Variants in MAGI1 observed in about 807,000 individuals in gnomAD.
MAGI1 encodes membrane-associated guanylate kinase, WW and PDZ domain-containing protein 1.
MAGI1 carries 58 observed loss-of-function variants against 139.9 expected under a neutral mutation model. That is an observed-to-expected ratio of 0.41 (90% CI 0.34 to 0.52). The LOEUF is 0.52. Among genes scored for constraint, MAGI1 ranks in the 20% least tolerant of loss-of-function variants. The pLI, the probability that MAGI1 is intolerant of heterozygous loss-of-function variation, is 0.12. For missense variants in MAGI1, 1,874 were observed against 1,901.6 expected (o/e 0.99, Z 0.27); for synonymous variants, 812 against 737.9 (o/e 1.10, Z -1.63).
At chr3:65,530,321 T>A (rs966420672) in intron 2 of MAGI1, among the ~76,000 whole-genome samples, 1 of 152,048 alleles carries the variant, frequency 6.6e-6, no homozygotes, top group African/African-American at 2.4e-5. Flanking sequence ...CTTTTCTCCA[T>A]CACAAACTCC....
intron 1 of MAGI1, among the ~76,000 whole-genome samples, chr3:65,917,040 T>C (rs949612775): frequency 3.3e-5 from 5 of 152,220 alleles, no homozygotes; most frequent in African/African-American, 4.8e-5. Flanking sequence ...TCAAAGGTAA[T>C]TGAAATAATC....
chr3:65,781,775 G>A (rs539062053), intron 1 of MAGI1, among the ~76,000 whole-genome samples: 1 of 152,308 alleles, frequency 6.6e-6, no homozygotes, highest in South Asian at 2.1e-4. Context: ...ATTTGCTAAA[G>A]GTTTCTACTG....
chr3:65,872,676 G>A (rs971139897), intron 1 of MAGI1: 2 of 152,110 alleles, frequency 1.3e-5, no homozygotes, highest in Admixed American at 6.5e-5. Context: ...AGATGCATAT[G>A]AATAGAAAAA....
At chr3:65,476,959 C>G (rs1293189056) in intron 4 of MAGI1, among the ~76,000 whole-genome samples, 2 of 152,168 alleles carry the variant, frequency 1.3e-5, no homozygotes, top group Non-Finnish European at 2.9e-5. Context: ...TGGCCTAACC[C>G]ATTCTAATTG....
chr3:65,491,539 G>A (rs779502113), intron 3 of MAGI1, among the ~76,000 whole-genome samples: 7 of 151,808 alleles, frequency 4.6e-5, no homozygotes, highest in Non-Finnish European at 8.8e-5. Flanking sequence ...GACGACTGAA[G>A]CCCCCCAGAT....
chr3:65,487,663 C>T (rs547934371), intron 3 of MAGI1, among the ~76,000 whole-genome samples: 1 of 152,344 alleles, frequency 6.6e-6, no homozygotes, highest in East Asian at 1.9e-4. Flanking sequence ...TGAGGCTTCA[C>T]TGGTTCACTC....
intron 5 of MAGI1, among the ~76,000 whole-genome samples, chr3:65,467,494 T>C (rs996151935): frequency 1.3e-5 from 2 of 152,240 alleles, no homozygotes; most frequent in African/African-American, 4.8e-5. Flanking sequence ...AATTTGATAG[T>C]TGCAGCCCAA....
chr3:65,707,065 T>C (rs927344413), intron 1 of MAGI1, among the ~76,000 whole-genome samples: 1 of 152,198 alleles, frequency 6.6e-6, no homozygotes, highest in Non-Finnish European at 1.5e-5. Flanking sequence ...TTTCAGGGAA[T>C]GACAGCTCAT....
intron 18 of MAGI1, among the ~76,000 whole-genome samples, chr3:65,373,487 A>G (rs1942196611): frequency 6.6e-6 from 1 of 152,220 alleles, no homozygotes. Context: ...ACACAAAGGC[A>G]CAAAGTGAGC....
chr3:65,719,627 C>T (rs1022375971), intron 1 of MAGI1, among the ~76,000 whole-genome samples: 3 of 151,676 alleles, frequency 2.0e-5, no homozygotes, highest in Non-Finnish European at 4.4e-5. Flanking sequence ...CTCACTGCAG[C>T]CTCAACCTCT....
intron 1 of MAGI1, among the ~76,000 whole-genome samples, chr3:66,031,547 G>A (rs751613384): frequency 5.9e-5 from 9 of 152,130 alleles, no homozygotes; most frequent in Non-Finnish European, 8.8e-5. Flanking sequence ...CACTGGAAAC[G>A]ATGGACAAGT....
At chr3:65,486,336 C>G (rs1380730894) in intron 3 of MAGI1, among the ~76,000 whole-genome samples, 1 of 152,192 alleles carries the variant, frequency 6.6e-6, no homozygotes, top group African/African-American at 2.4e-5. Context: ...TAATCAGCCT[C>G]TTCTACCCAG....
At chr3:65,533,130 A>G (rs1398517580) in intron 2 of MAGI1, among the ~76,000 whole-genome samples, 1 of 152,058 alleles carries the variant, frequency 6.6e-6, no homozygotes, top group Non-Finnish European at 1.5e-5. Flanking sequence ...CTATTTTTTG[A>G]CTGGCTTACT....
chr3:66,020,965 G>A (rs1208850660), intron 1 of MAGI1, among the ~76,000 whole-genome samples: 1 of 152,020 alleles, frequency 6.6e-6, no homozygotes, highest in Admixed American at 6.6e-5. Flanking sequence ...AAAGAAAAAG[G>A]CCAAAGGACA....
intron 1 of MAGI1, among the ~76,000 whole-genome samples, chr3:65,929,956 A>G (rs1015575004): frequency 6.6e-6 from 1 of 152,156 alleles, no homozygotes; most frequent in South Asian, 2.1e-4. Flanking sequence ...TTCCTTTATC[A>G]GCCAAAGAGG....
intron 5 of MAGI1, among the ~76,000 whole-genome samples, chr3:65,460,592 A>T (rs1446292269): frequency 6.6e-6 from 1 of 152,142 alleles, no homozygotes; most frequent in Non-Finnish European, 1.5e-5. Context: ...ACATGTGCAG[A>T]ACATGCAGAT....
chr3:65,531,377 C>T (rs780670804), intron 2 of MAGI1, among the ~76,000 whole-genome samples: 3 of 152,080 alleles, frequency 2.0e-5, no homozygotes, highest in Admixed American at 6.6e-5. Flanking sequence ...AATACATTAT[C>T]GTCAGGGGAA....
At chr3:65,891,541 T>G (rs1167764744) in intron 1 of MAGI1, among the ~76,000 whole-genome samples, 1 of 151,990 alleles carries the variant, frequency 6.6e-6, no homozygotes, top group Non-Finnish European at 1.5e-5. Flanking sequence ...TTCTACTTCA[T>G]AAGTTAATTA....
At position 65,379,398 on chromosome 3, in the gene MAGI1, C is replaced by T; in HGVS notation, c.2858G>A (p.Ser953Asn). ...CACGCCGCTGCCCCCGCCGCCGCCA[C>T]TGCCGATGCCGCTGGTGCTGCCGCT... ...SGSGSTSGIG[S>N]GGGGGSGVVS... Residue 953 changes from serine to asparagine, a missense_variant, in exon 17 of 23, where the codon AGT becomes AAT. This residue lies in a region of MAGI1 where 482 missense variants were observed against 509.6 expected (regional missense o/e 0.95). Coordinates refer to ENST00000402939, the MANE Select transcript of MAGI1 (RefSeq NM_001033057.2). 3.7e-6 allele frequency: 6 copies of T among 1,613,050 alleles called. No individual in the cohort carries two copies. The highest frequency in any genetic ancestry group is 5.1e-6 in the Non-Finnish European group (6 of 1,179,340).
Sources: allele counts gnomAD v4.1 joint callset (sites outside exome capture counted in the v4.1 genomes callset), GRCh38; gene constraint gnomAD v4.1.1; regional missense constraint gnomAD v4.1.1; transcripts MANE v1.5; gene names NCBI Gene and HGNC (gene_info 2026-07-23, HGNC 2026-07-21).